The following MYO5B variants were observed in gnomAD, a reference collection of about 807,000 sequenced individuals.
MYO5B encodes the protein myosin VB.
In MYO5B, 143 loss-of-function variants were observed where a neutral mutation model predicts 229.3. The ratio of observed to expected loss-of-function variants is 0.62; its 90% CI spans 0.54 to 0.72. The LOEUF is 0.72. Among genes scored for constraint, MYO5B ranks in the 30% least tolerant of loss-of-function variants. The probability of loss-of-function intolerance (pLI) is 0.00; values close to 1 mark genes in which losing one functional copy is unlikely to be tolerated. For missense variants in MYO5B, 2,321 were observed against 2,331.0 expected (o/e 1.00, Z 0.09); for synonymous variants, 918 against 885.2 (o/e 1.04, Z -0.66).
intron 1 of MYO5B, among the ~76,000 whole-genome samples, chr18:50,060,055 G>A (rs761785999): frequency 1.3e-5 from 2 of 152,140 alleles, no homozygotes; most frequent in African/African-American, 2.4e-5. Context: ...GGAGGGGAAG[G>A]GTTTCTTTTT....
intron 1 of MYO5B, among the ~76,000 whole-genome samples, chr18:50,181,078 G>C (rs2033067313): frequency 6.6e-6 from 1 of 152,148 alleles, no homozygotes. Context: ...TTTCAAAAGT[G>C]CATTTTAGGA....
chr18:50,046,415 T>C (rs2030227536), intron 2 of MYO5B, among the ~76,000 whole-genome samples: 1 of 152,232 alleles, frequency 6.6e-6, no homozygotes, highest in African/African-American at 2.4e-5. Context: ...AGCCCATCAC[T>C]TGACTTCCAG....
chr18:49,838,403 G>A (rs1409265444), intron 36 of MYO5B, among the ~76,000 whole-genome samples: 1 of 152,144 alleles, frequency 6.6e-6, no homozygotes, highest in Non-Finnish European at 1.5e-5. Context: ...AGTATCTCCA[G>A]CTTGATATGT....
chr18:49,826,837 A>G (rs2023853060), intron 39 of MYO5B, among the ~76,000 whole-genome samples: 2 of 152,338 alleles, frequency 1.3e-5, no homozygotes, highest in South Asian at 2.1e-4. Context: ...AGAGGGCTGT[A>G]AGCACTCTCC....
At chr18:50,019,029 T>C (rs973622796) in intron 4 of MYO5B, among the ~76,000 whole-genome samples, 1 of 152,210 alleles carries the variant, frequency 6.6e-6, no homozygotes, top group Admixed American at 6.5e-5. Flanking sequence ...GGAAGAATAA[T>C]GTGAAACCAT....
intron 29 of MYO5B, among the ~76,000 whole-genome samples, chr18:49,861,993 A>ACG (rs781601853): frequency 4.2e-5 from 6 of 141,348 alleles, no homozygotes; most frequent in African/African-American, 1.6e-4. Context: ...GGCCAGCTCC[A>ACG]TGTTTTTTTT....
chr18:49,833,706 T>C (rs954283990), intron 39 of MYO5B, among the ~76,000 whole-genome samples: 2 of 152,296 alleles, frequency 1.3e-5, no homozygotes, highest in Admixed American at 6.5e-5. Context: ...TAAACAAGAC[T>C]TTCTAAACTT....
At chr18:49,869,351 T>A (rs2024432584) in intron 27 of MYO5B, among the ~76,000 whole-genome samples, 1 of 152,192 alleles carries the variant, frequency 6.6e-6, no homozygotes, top group African/African-American at 2.4e-5. Flanking sequence ...AGCCAGCCTC[T>A]TCAACATGAG....
At chr18:49,952,990 G>T (rs1404175079) in intron 14 of MYO5B, among the ~76,000 whole-genome samples, 1 of 151,754 alleles carries the variant, frequency 6.6e-6, no homozygotes. Context: ...CCATTAGCAG[G>T]CATCTTTCCC....
chr18:50,116,844 C>CAAA (rs35037356), intron 1 of MYO5B, among the ~76,000 whole-genome samples: 16 of 125,298 alleles, frequency 1.3e-4, no homozygotes, highest in African/African-American at 4.7e-4. Flanking sequence ...ACTGAGTTAC[C>CAAA]AAAAAAAAAA....
intron 21 of MYO5B, among the ~76,000 whole-genome samples, chr18:49,896,822 G>A (rs1308546535): frequency 6.6e-6 from 1 of 152,156 alleles, no homozygotes; most frequent in Non-Finnish European, 1.5e-5. Context: ...GGCTGGAGCT[G>A]GACAGACATG....
intron 1 of MYO5B, among the ~76,000 whole-genome samples, chr18:50,144,526 G>A (rs962719242): frequency 6.6e-6 from 1 of 152,148 alleles, no homozygotes; most frequent in African/African-American, 2.4e-5. Flanking sequence ...CAGGACTTCA[G>A]TGGAAAATAT....
At chr18:50,051,015 A>G (rs1256285319) in intron 2 of MYO5B, among the ~76,000 whole-genome samples, 1 of 152,226 alleles carries the variant, frequency 6.6e-6, no homozygotes, top group East Asian at 1.9e-4. Context: ...AATACTGAAC[A>G]ATTCATACTA....
chr18:49,944,120 A>AT (rs1406327662), intron 14 of MYO5B, among the ~76,000 whole-genome samples: 2 of 152,206 alleles, frequency 1.3e-5, no homozygotes, highest in Non-Finnish European at 2.9e-5. Context: ...AAGGGTTAAA[A>AT]TAACAGGGGC....
rs896902258 is a variant in MYO5B at position 49,963,402 on chromosome 18, T to A, written c.1323-372A>T. Among the ~76,000 whole-genome samples, 7 of 144,420 alleles carry A rather than the reference T, an allele frequency of 4.8e-5. No homozygotes were observed. The South Asian group carries it at 6.5e-4, about 14-fold the overall frequency. The allele number at this position is 144,420 out of a possible 152,430, so 94.7% of individuals were successfully genotyped here. ...TATGTAACATTTTACTTATTTAATT[T>A]AATTAATTAATTAATTTATTTATTT... On this transcript the variant is annotated intron_variant, in intron 10 of 39. Transcript: ENST00000285039.
At chr18:50,103,614 T>C (rs1177110255) in intron 1 of MYO5B, among the ~76,000 whole-genome samples, 1 of 152,072 alleles carries the variant, frequency 6.6e-6, no homozygotes, top group African/African-American at 2.4e-5. Context: ...CCAGACACGG[T>C]GGTGTGCACC....
intron 29 of MYO5B, among the ~76,000 whole-genome samples, chr18:49,861,657 T>C (rs894789288): frequency 6.6e-6 from 1 of 151,944 alleles, no homozygotes; most frequent in African/African-American, 2.4e-5. Flanking sequence ...ACCTACTCAG[T>C]GGCTGGAAAC....
chr18:50,108,780 G>T (rs1377563364), intron 1 of MYO5B, among the ~76,000 whole-genome samples: 1 of 152,192 alleles, frequency 6.6e-6, no homozygotes, highest in African/African-American at 2.4e-5. Context: ...TACTATTGAG[G>T]ATACCAGGTA....
chr18:50,074,249 G>T (rs2031025805), intron 1 of MYO5B, among the ~76,000 whole-genome samples: 1 of 152,166 alleles, frequency 6.6e-6, no homozygotes, highest in Non-Finnish European at 1.5e-5. Context: ...AATAGCACGG[G>T]AAAGACCAGC....
Sources: allele counts gnomAD v4.1 joint callset (sites outside exome capture counted in the v4.1 genomes callset), GRCh38; gene constraint gnomAD v4.1.1; transcripts MANE v1.5; gene names NCBI Gene and HGNC (gene_info 2026-07-23, HGNC 2026-07-21).